Variants in NNMT observed in about 807,000 individuals in gnomAD.
The protein encoded by NNMT is nicotinamide N-methyltransferase.
In NNMT, 10 loss-of-function variants were observed where a neutral mutation model predicts 11.7. The ratio of observed to expected loss-of-function variants is 0.85; its 90% CI spans 0.53 to 1.45. The LOEUF is 1.45. Among genes scored for constraint, NNMT ranks in the 40% most tolerant of loss-of-function variants. The pLI is 0.00. For synonymous variants in NNMT, 143 were observed against 133.8 expected (o/e 1.07, Z -0.48); for missense variants, 381 against 319.4 (o/e 1.19, Z -1.47).
At chr11:114,309,456 G>T (rs1200458694) in intron 2 of NNMT, among the ~76,000 whole-genome samples, 1 of 152,164 alleles carries the variant, frequency 6.6e-6, no homozygotes, top group African/African-American at 2.4e-5. Context: ...TGGTCACCCT[G>T]CTACCATTTC....
At chr11:114,263,960 G>A (rs1177366563) in intron 2 of NNMT, among the ~76,000 whole-genome samples, 4 of 152,144 alleles carry the variant, frequency 2.6e-5, no homozygotes, top group Non-Finnish European at 4.4e-5. Flanking sequence ...GACAGGGCCT[G>A]TCTTTAATCC....
Position 114,312,291 on chromosome 11 carries a change from C to G in NNMT, c.609C>G (p.Tyr203Ter), listed in dbSNP as rs1466368081. 1.2e-6 allele frequency: 2 copies of G among 1,614,242 alleles called. No homozygotes were observed. The highest frequency in any genetic ancestry group is 3.3e-5 in the Admixed American group (2 of 60,026). The change falls in exon 3 of 3, where the codon TAC (tyrosine) becomes TAG (stop). Residue 203 changes from tyrosine to a stop codon, truncating the protein, a stop_gained. Transcript: ENST00000299964. LOFTEE classifies it low-confidence loss of function (END_TRUNC). ...LVIMDALKSS[Y>*]YMIGEQKFSS... ...TCATGGATGCGCTCAAGAGCAGCTA[C>G]TACATGATTGGTGAGCAGAAGTTCT...
intron 2 of NNMT, among the ~76,000 whole-genome samples, chr11:114,279,387 T>G (rs183874512): frequency 7.4e-4 from 113 of 152,302 alleles, no homozygotes; most frequent in African/African-American, 2.4e-3. Flanking sequence ...GCTGGGGAAC[T>G]GGAGAAGACT....
At chr11:114,274,475 G>T (rs1032593734) in intron 2 of NNMT, among the ~76,000 whole-genome samples, 2 of 152,220 alleles carry the variant, frequency 1.3e-5, no homozygotes, top group Non-Finnish European at 2.9e-5. Context: ...AAATATGTAT[G>T]TGAGCTTGAA....
chr11:114,280,168 G>A (rs541768394), intron 2 of NNMT, among the ~76,000 whole-genome samples: 1 of 152,292 alleles, frequency 6.6e-6, no homozygotes, highest in African/African-American at 2.4e-5. Flanking sequence ...GGAAGGGAAG[G>A]GAAGGCAGAC....
chr11:114,282,340 G>A (rs1012505275), intron 2 of NNMT, among the ~76,000 whole-genome samples: 5 of 152,090 alleles, frequency 3.3e-5, no homozygotes, highest in Non-Finnish European at 5.9e-5. Flanking sequence ...CAGACTGGAA[G>A]AAATATTTAC....
In NNMT at chr11:114,296,606, C is replaced by T. The variant is rs368899211; in HGVS notation, c.50C>T (p.Pro17Leu). 12 of 1,614,022 alleles carry T rather than the reference C, an allele frequency of 7.4e-6. No homozygotes were observed. Among genetic ancestry groups the T allele is most frequent in the Non-Finnish European group, 1.0e-5 (12 of 1,180,034 alleles). The part of the protein sequence containing the change: ...SKDTYLSHFN[P>L]RDYLEKYYKF... ...GACACCTATCTAAGCCATTTTAACC[C>T]TCGGGATTACCTAGAAAAATATTAC... The change falls in exon 1 of 3, where the codon CCT (proline) becomes CTT (leucine). Residue 17 changes from proline (P) to leucine (L), a missense_variant. Coordinates refer to ENST00000299964, the MANE Select transcript of NNMT (RefSeq NM_006169.3).
chr11:114,283,524 GA>G (rs1429700101), intron 2 of NNMT, among the ~76,000 whole-genome samples: 2 of 152,182 alleles, frequency 1.3e-5, no homozygotes, highest in Non-Finnish European at 2.9e-5. Flanking sequence ...AGGGGAGGAA[GA>G]AAATATAATC....
At chr11:114,272,796 CG>C (rs1377067544) in intron 2 of NNMT, among the ~76,000 whole-genome samples, 1 of 152,164 alleles carries the variant, frequency 6.6e-6, no homozygotes, top group Non-Finnish European at 1.5e-5. Flanking sequence ...AATCAAATAA[CG>C]GGTATCTTTT....
At chr11:114,284,912 G>A (rs1945287014) in intron 2 of NNMT, among the ~76,000 whole-genome samples, 1 of 151,768 alleles carries the variant, frequency 6.6e-6, no homozygotes, top group Non-Finnish European at 1.5e-5. Context: ...TGGGATTACA[G>A]GTGCATACCA....
upstream of NNMT, among the ~76,000 whole-genome samples, chr11:114,292,786 GA>G (rs535700203): frequency 9.0e-4 from 137 of 152,090 alleles, no homozygotes; most frequent in Admixed American, 2.4e-3. Flanking sequence ...GGAGAGGGTA[GA>G]AAAAAATTAA....
chr11:114,310,243 A>C (rs1412904189), intron 2 of NNMT, among the ~76,000 whole-genome samples: 2 of 152,214 alleles, frequency 1.3e-5, no homozygotes, highest in African/African-American at 4.8e-5. Context: ...TGTAGGTTCC[A>C]GTTTCTGCAA....
chr11:114,271,359 G>A (rs544155259), intron 2 of NNMT, among the ~76,000 whole-genome samples: 2 of 152,224 alleles, frequency 1.3e-5, no homozygotes, highest in African/African-American at 2.4e-5. Flanking sequence ...GTCAGCCCTC[G>A]TGTCTGGCAC....
chr11:114,301,947 G>GA (rs1471404209), intron 2 of NNMT, among the ~76,000 whole-genome samples: 15 of 151,870 alleles, frequency 9.9e-5, no homozygotes, highest in East Asian at 1.9e-4. Flanking sequence ...AGTTGAACCA[G>GA]AAAAAACAGA....
intron 2 of NNMT, among the ~76,000 whole-genome samples, chr11:114,287,531 A>C (rs1306309425): frequency 6.6e-6 from 1 of 152,174 alleles, no homozygotes; most frequent in Non-Finnish European, 1.5e-5. Context: ...CTATCACCTC[A>C]ATCATATATC....
At chr11:114,293,331 C>G (rs544802791), upstream of NNMT, among the ~76,000 whole-genome samples, 26 of 152,224 alleles carry the variant, frequency 1.7e-4, no homozygotes, top group African/African-American at 6.3e-4. Flanking sequence ...TAATACCACA[C>G]AGGTTTCCTT....
intron 2 of NNMT, among the ~76,000 whole-genome samples, chr11:114,299,615 T>A (rs769651655): frequency 2.0e-5 from 3 of 152,184 alleles, no homozygotes; most frequent in Non-Finnish European, 4.4e-5. Context: ...CTTAAATGAT[T>A]GATAGCATTT....
intron 2 of NNMT, among the ~76,000 whole-genome samples, chr11:114,279,890 A>G (rs1411220504): frequency 2.0e-5 from 3 of 152,182 alleles, no homozygotes; most frequent in African/African-American, 7.2e-5. Context: ...AAGAGGTAAC[A>G]TGTCCACACT....
At chr11:114,273,119 A>G (rs1047248825) in intron 2 of NNMT, among the ~76,000 whole-genome samples, 1 of 152,170 alleles carries the variant, frequency 6.6e-6, no homozygotes, top group Non-Finnish European at 1.5e-5. Flanking sequence ...AAAATTGTTC[A>G]TAATTTGTGT....
Sources: allele counts gnomAD v4.1 joint callset (sites outside exome capture counted in the v4.1 genomes callset), GRCh38; gene constraint gnomAD v4.1.1; transcripts MANE v1.5; gene names NCBI Gene and HGNC (gene_info 2026-07-23, HGNC 2026-07-21).